Variants in EFL1 observed in about 807,000 individuals in gnomAD.
EFL1 encodes elongation factor like GTPase 1.
In EFL1, 76 loss-of-function variants were observed where a neutral mutation model predicts 126.7. The observed-to-expected ratio is 0.60, with a 90% confidence interval of 0.50 to 0.73. The LOEUF (loss-of-function observed/expected upper bound fraction) is 0.73, where lower values mean the gene tolerates loss of function less well. Among genes scored for constraint, EFL1 ranks in the 30% least tolerant of loss-of-function variants. The pLI, the probability that EFL1 is intolerant of heterozygous loss-of-function variation, is 0.00. For missense variants in EFL1, 1,128 were observed against 1,343.2 expected (o/e 0.84, Z 2.50); for synonymous variants, 410 against 448.4 (o/e 0.91, Z 1.08).
chr15:82,239,870 T>C (rs1467369234), intron 6 of EFL1, among the ~76,000 whole-genome samples: 1 of 152,156 alleles, frequency 6.6e-6, no homozygotes, highest in Non-Finnish European at 1.5e-5. Flanking sequence ...CCAGACTGGG[T>C]TAGATGGCCC....
chr15:82,165,497 CTTG>C (rs983653783), intron 15 of EFL1, among the ~76,000 whole-genome samples: 4 of 152,288 alleles, frequency 2.6e-5, no homozygotes, highest in Non-Finnish European at 5.9e-5. Context: ...TTAGAGGTTT[CTTG>C]TTGTCCGACT....
At chr15:82,155,021 T>C (rs141600894) in intron 17 of EFL1, among the ~76,000 whole-genome samples, 2,199 of 152,318 alleles carry the variant, frequency 0.014, 23 homozygotes, top group Non-Finnish European at 0.023. Flanking sequence ...CAAACACTTT[T>C]TGGGGGAAGT....
chr15:82,153,469 CTTA>C (rs2073935031), intron 17 of EFL1, among the ~76,000 whole-genome samples: 2 of 151,646 alleles, frequency 1.3e-5, no homozygotes, highest in South Asian at 2.1e-4. Context: ...TAAAAAAAAA[CTTA>C]TTATGTATGA....
At chr15:82,203,730 T>G (rs1173007078) in intron 15 of EFL1, among the ~76,000 whole-genome samples, 2 of 152,212 alleles carry the variant, frequency 1.3e-5, no homozygotes, top group Non-Finnish European at 2.9e-5. Context: ...TTTTTAAAAT[T>G]AATTCTATTT....
intron 15 of EFL1, among the ~76,000 whole-genome samples, chr15:82,170,585 A>G (rs1353963260): frequency 1.3e-5 from 2 of 152,262 alleles, no homozygotes; most frequent in African/African-American, 2.4e-5. Context: ...TAAAGTTCTA[A>G]CCTTATGCAA....
chr15:82,244,688 G>A (rs1182893578), intron 4 of EFL1, among the ~76,000 whole-genome samples: 9 of 152,196 alleles, frequency 5.9e-5, no homozygotes, highest in Non-Finnish European at 2.9e-5. Flanking sequence ...CTGCTAATAG[G>A]GAGTTATGGG....
At chr15:82,245,160 T>C (rs1460035666) in intron 4 of EFL1, among the ~76,000 whole-genome samples, 1 of 152,154 alleles carries the variant, frequency 6.6e-6, no homozygotes, top group Non-Finnish European at 1.5e-5. Context: ...TTTTGTTTTT[T>C]GTTTTTTTTA....
At chr15:82,138,001 T>C (rs552269683) in intron 19 of EFL1, among the ~76,000 whole-genome samples, 2 of 152,348 alleles carry the variant, frequency 1.3e-5, no homozygotes, top group Admixed American at 1.3e-4. Flanking sequence ...CAATCTTTCC[T>C]TCTCTCCTCC....
At chr15:82,165,251 G>C (rs1293003888) in intron 15 of EFL1, among the ~76,000 whole-genome samples, 2 of 152,012 alleles carry the variant, frequency 1.3e-5, no homozygotes, top group African/African-American at 4.8e-5. Flanking sequence ...GGAAAGGATA[G>C]GACAGGAGAG....
intron 7 of EFL1, among the ~76,000 whole-genome samples, chr15:82,236,849 T>C (rs2074877544): frequency 6.6e-6 from 1 of 152,196 alleles, no homozygotes. Context: ...TTAAAAACTT[T>C]GCGGACTTTG....
intron 15 of EFL1, among the ~76,000 whole-genome samples, chr15:82,168,969 A>C (rs141732805): frequency 3.7e-4 from 56 of 152,216 alleles, no homozygotes; most frequent in African/African-American, 1.2e-3. Flanking sequence ...CTTGTCCCTC[A>C]GTGTCCTGAA....
In EFL1 at chr15:82,214,814, T is replaced by G; in HGVS notation, c.1653A>C (p.Gln551His). Reference sequence around the variant, plus strand: ...GAGCACAGTATGCCATGTGGGGGACTTGGGGGAGGCCATCTGGTGGAGCTG... The same window carrying G: ...GAGCACAGTATGCCATGTGGGGGACGTGGGGGAGGCCATCTGGTGGAGCTG... Reference protein sequence around the residue: ...GFSAPPDGLPQVPHMAYCALE... With the variant: ...GFSAPPDGLPHVPHMAYCALE... The change falls in exon 15 of 20, where the codon CAA (glutamine) becomes CAC (histidine). Residue 551 changes from glutamine (Q) to histidine (H), a missense_variant. Around this residue, in one of 6 missense-constraint regions of EFL1, gnomAD observed 120 missense variants for 142.1 expected, o/e 0.84. Transcript: ENST00000268206. 1 of 1,588,642 alleles carries G rather than the reference T, an allele frequency of 6.3e-7. No homozygotes were observed. The highest frequency in any genetic ancestry group is 1.4e-5 in the African/African-American group (1 of 73,144).
At chr15:82,196,761 C>A (rs1194970704) in intron 15 of EFL1, among the ~76,000 whole-genome samples, 2 of 152,198 alleles carry the variant, frequency 1.3e-5, no homozygotes, top group Non-Finnish European at 2.9e-5. Context: ...CGGCCGGGAG[C>A]GGTGGCTCTC....
chr15:82,166,508 T>A (rs116750268), intron 15 of EFL1, among the ~76,000 whole-genome samples: 1 of 152,312 alleles, frequency 6.6e-6, no homozygotes, highest in South Asian at 2.1e-4. Context: ...AATTTTAAAA[T>A]CTAGGAAAGG....
intron 2 of EFL1, 87 bp downstream of exon 2, chr15:82,261,601 C>T (rs2075119035): frequency 7.9e-7 from 1 of 1,266,442 alleles, no homozygotes; most frequent in African/African-American, 1.5e-5. Context: ...ACATCACTCT[C>T]AGCTGTCCAC....
chr15:82,168,837 C>T (rs2074104738), intron 15 of EFL1, among the ~76,000 whole-genome samples: 1 of 152,148 alleles, frequency 6.6e-6, no homozygotes, highest in Admixed American at 6.5e-5. Context: ...TCTGTGGGCC[C>T]TTTTCTCAGA....
chr15:82,244,917 T>C (rs2074957670), intron 4 of EFL1, among the ~76,000 whole-genome samples: 1 of 152,038 alleles, frequency 6.6e-6, no homozygotes, highest in Admixed American at 6.5e-5. Flanking sequence ...AAAGAAAAAC[T>C]GAAGTTATGG....
intron 15 of EFL1, among the ~76,000 whole-genome samples, chr15:82,172,621 T>C (rs930703123): frequency 6.6e-6 from 1 of 152,218 alleles, no homozygotes; most frequent in African/African-American, 2.4e-5. Context: ...TGTAGTTTAA[T>C]ATACACCGAA....
At chr15:82,194,304 G>A (rs904957770) in intron 15 of EFL1, among the ~76,000 whole-genome samples, 4 of 152,138 alleles carry the variant, frequency 2.6e-5, no homozygotes, top group African/African-American at 9.7e-5. Context: ...TATTTCTTGA[G>A]TATTTTGTGC....
Sources: allele counts gnomAD v4.1 joint callset (sites outside exome capture counted in the v4.1 genomes callset), GRCh38; gene constraint gnomAD v4.1.1; regional missense constraint gnomAD v4.1.1; transcripts MANE v1.5; gene names NCBI Gene and HGNC (gene_info 2026-07-23, HGNC 2026-07-21).